EFCAB6: variants seen among roughly 807,000 people sequenced by gnomAD.
EFCAB6 encodes the protein EF-hand calcium binding domain 6.
In EFCAB6, 156 loss-of-function variants were observed where a neutral mutation model predicts 169.8. The observed-to-expected ratio is 0.92, with a 90% confidence interval of 0.81 to 1.05. The LOEUF is 1.05. Ranked by LOEUF, EFCAB6 falls within the 50% of genes least tolerant of loss-of-function variation. The pLI is 0.00. For missense variants in EFCAB6, 1,800 were observed against 1,829.1 expected (o/e 0.98, Z 0.29); for synonymous variants, 698 against 676.4 (o/e 1.03, Z -0.50).
chr22:43,771,717 G>A (rs1209115552), intron 4 of EFCAB6, among the ~76,000 whole-genome samples: 4 of 152,022 alleles, frequency 2.6e-5, no homozygotes, highest in Non-Finnish European at 5.9e-5. Context: ...CCACCAGGTG[G>A]CCAAGGGCCT....
chr22:43,618,190 G>GAA (rs1802136082), intron 20 of EFCAB6, among the ~76,000 whole-genome samples: 1 of 144,068 alleles, frequency 6.9e-6, no homozygotes, highest in African/African-American at 2.6e-5. Context: ...AAGAAAGAAA[G>GAA]AAAGAAAGAA....
chr22:43,584,581 A>G (rs547745824), intron 24 of EFCAB6, among the ~76,000 whole-genome samples: 66 of 152,248 alleles, frequency 4.3e-4, no homozygotes, highest in African/African-American at 1.6e-3. Context: ...AGCCTTCTCT[A>G]TAACAACTTT....
chr22:43,666,704 T>G (rs12106602), intron 17 of EFCAB6, among the ~76,000 whole-genome samples: 2 of 126,436 alleles, frequency 1.6e-5, no homozygotes, highest in African/African-American at 7.5e-5. Flanking sequence ...TTTTTTTTTT[T>G]TTTTTTTTTT....
chr22:43,634,678 G>T (rs1023697407), intron 18 of EFCAB6, among the ~76,000 whole-genome samples: 11 of 129,212 alleles, frequency 8.5e-5, no homozygotes, highest in Admixed American at 8.5e-4. Flanking sequence ...TGGGGGGCGG[G>T]CCTGGGGGTG....
intron 30 of EFCAB6, chr22:43,532,181 TTG>T (rs2047111023): frequency 6.6e-6 from 1 of 150,802 alleles, no homozygotes; most frequent in South Asian, 2.1e-4. Context: ...GAGTGGTGCC[TTG>T]GGAGGGGCGG....
chr22:43,725,227 C>T (rs539503026), intron 8 of EFCAB6, among the ~76,000 whole-genome samples: 3 of 151,630 alleles, frequency 2.0e-5, no homozygotes, highest in South Asian at 2.1e-4. Context: ...TGTAACCCCC[C>T]GCCTACCGGG....
At chr22:43,583,596 G>T (rs951753785) in intron 24 of EFCAB6, among the ~76,000 whole-genome samples, 1 of 75,920 alleles carries the variant, frequency 1.3e-5, no homozygotes, top group Admixed American at 1.7e-4. Context: ...AACTCCCAAG[G>T]TAATGACCTT....
chr22:43,647,957 A>T lies in EFCAB6; in HGVS notation c.1984-12741T>A, dbSNP rs562429314. Among the ~76,000 whole-genome samples, 69 of 152,292 alleles carry T rather than the reference A, an allele frequency of 4.5e-4. 1 individual carries two copies. Among genetic ancestry groups the T allele is most frequent in the African/African-American group, 1.6e-3 (65 of 41,568 alleles). ...CTCCTGGCTTCGAGAACTGTGAAAA[A>T]ATACATTTTTATTGTTTTAAGCTAC... On this transcript the variant is annotated intron_variant, in intron 17 of 31. Transcript: ENST00000262726.
At chr22:43,600,804 C>T (rs934776240) in intron 22 of EFCAB6, among the ~76,000 whole-genome samples, 1 of 152,072 alleles carries the variant, frequency 6.6e-6, no homozygotes, top group African/African-American at 2.4e-5. Context: ...GCTGGGATTA[C>T]AGCGCCGGCC....
intron 26 of EFCAB6, among the ~76,000 whole-genome samples, chr22:43,574,992 C>T (rs960712076): frequency 6.6e-6 from 1 of 152,170 alleles, no homozygotes; most frequent in Non-Finnish European, 1.5e-5. Flanking sequence ...CCCGCCCTCC[C>T]ATCAGCAATT....
chr22:43,623,990 G>A (rs1017173207), intron 20 of EFCAB6, among the ~76,000 whole-genome samples: 7 of 152,022 alleles, frequency 4.6e-5, no homozygotes, highest in East Asian at 1.9e-4. Context: ...GGTGGAACAG[G>A]GCAGGCTGTC....
At chr22:43,577,388 T>C (rs994659124) in intron 25 of EFCAB6, among the ~76,000 whole-genome samples, 15 of 152,208 alleles carry the variant, frequency 9.9e-5, no homozygotes, top group Non-Finnish European at 1.8e-4. Flanking sequence ...AACAGGGTGA[T>C]GGCATATGTG....
At chr22:43,765,838 C>T (rs1291057124) in intron 4 of EFCAB6, among the ~76,000 whole-genome samples, 1 of 151,956 alleles carries the variant, frequency 6.6e-6, no homozygotes, top group Non-Finnish European at 1.5e-5. Context: ...ATTAAAAATT[C>T]CACAAAGGAT....
intron 21 of EFCAB6, among the ~76,000 whole-genome samples, chr22:43,610,248 T>C (rs1312404053): frequency 2.0e-5 from 3 of 152,150 alleles, no homozygotes; most frequent in Non-Finnish European, 2.9e-5. Context: ...TGAGAGATGA[T>C]AGTTGCACCA....
chr22:43,715,744 G>A (rs778680724), intron 9 of EFCAB6, among the ~76,000 whole-genome samples: 8 of 151,906 alleles, frequency 5.3e-5, no homozygotes, highest in African/African-American at 1.2e-4. Flanking sequence ...AATTGCTTAC[G>A]TTTTTTGCAA....
intron 17 of EFCAB6, among the ~76,000 whole-genome samples, chr22:43,647,199 G>A (rs2056213574): frequency 7.8e-6 from 1 of 128,042 alleles, no homozygotes; most frequent in Non-Finnish European, 1.6e-5. Flanking sequence ...GGGGGTGGGG[G>A]TGGGGGATGA....
Position 43,731,683 on chromosome 22 carries a change from C to A in EFCAB6, c.757+16G>T. ...AGATATTGAAATCTTTAGCTATATA[C>A]TTTAAAAATACTTACCTTGATTTCC... On this transcript the variant is annotated intron_variant, in intron 8 of 31. Coordinates refer to ENST00000262726, the MANE Select transcript of EFCAB6 (RefSeq NM_022785.4). 1 of 1,505,502 alleles carries A rather than the reference C, an allele frequency of 6.6e-7. No individual in the cohort carries two copies. Among genetic ancestry groups the A allele is most frequent in the African/African-American group, 1.4e-5 (1 of 71,618 alleles). 93.3% of individuals were successfully genotyped at this position (1,505,502 alleles called of 1,614,324 possible).
intron 26 of EFCAB6, among the ~76,000 whole-genome samples, chr22:43,565,445 C>T (rs925873193): frequency 6.6e-6 from 1 of 152,194 alleles, no homozygotes; most frequent in Non-Finnish European, 1.5e-5. Flanking sequence ...GCTTAGAATA[C>T]AGACAGGACA....
intron 12 of EFCAB6, among the ~76,000 whole-genome samples, chr22:43,682,332 A>G (rs1175943811): frequency 6.6e-6 from 1 of 152,190 alleles, no homozygotes; most frequent in Admixed American, 6.5e-5. Flanking sequence ...CTACGTACTC[A>G]ATTCTTAACC....
Sources: allele counts gnomAD v4.1 joint callset (sites outside exome capture counted in the v4.1 genomes callset), GRCh38; gene constraint gnomAD v4.1.1; transcripts MANE v1.5; gene names NCBI Gene and HGNC (gene_info 2026-07-23, HGNC 2026-07-21).